The following MRTFB variants were observed in gnomAD, a reference collection of about 807,000 sequenced individuals.
The protein encoded by MRTFB is myocardin related transcription factor B.
A neutral mutation model predicts 104.2 loss-of-function variants in MRTFB; 29 were observed. The ratio of observed to expected loss-of-function variants is 0.28; its 90% CI spans 0.21 to 0.38. MRTFB has a LOEUF of 0.38. Ranked by LOEUF, MRTFB falls within the 10% of genes least tolerant of loss-of-function variation. MRTFB has a pLI of 1.00. For synonymous variants in MRTFB, 535 were observed against 519.5 expected (o/e 1.03, Z -0.41); for missense variants, 1,270 against 1,341.6 (o/e 0.95, Z 0.83).
At chr16:14,059,571 A>G in the MRTFB span, among the ~76,000 whole-genome samples, 1 of 152,194 alleles carries the variant, frequency 6.6e-6, no homozygotes, top group East Asian at 1.9e-4. Flanking sequence ...CGGCAGGTGC[A>G]AGGCCATTTG....
At chr16:14,048,139 G>A in the MRTFB span, among the ~76,000 whole-genome samples, 2 of 152,126 alleles carry the variant, frequency 1.3e-5, no homozygotes, top group Non-Finnish European at 2.9e-5. Context: ...AAAATCCAAC[G>A]GGGCAGTCAA....
At chr16:14,190,389 T>C (rs867464510) in intron 3 of MRTFB, among the ~76,000 whole-genome samples, 2 of 152,186 alleles carry the variant, frequency 1.3e-5, no homozygotes. Flanking sequence ...CAAACCACTC[T>C]GACATGACAA....
the MRTFB span, among the ~76,000 whole-genome samples, chr16:14,046,300 T>C: frequency 3.5e-3 from 528 of 152,258 alleles, 1 homozygote; most frequent in African/African-American, 0.012. Context: ...CACTCCAGCC[T>C]GGGTGACAGA....
intron 3 of MRTFB, among the ~76,000 whole-genome samples, chr16:14,167,753 G>A (rs566811464): frequency 1.3e-5 from 2 of 152,008 alleles, no homozygotes; most frequent in Admixed American, 6.6e-5. Context: ...GTGCAGTGGC[G>A]CGATCTTGGC....
the MRTFB span, among the ~76,000 whole-genome samples, chr16:13,999,727 T>C: frequency 0.053 from 8,076 of 152,158 alleles, 306 homozygotes; most frequent in African/African-American, 0.11. Context: ...TGTGAAGCCA[T>C]TGAGCCCCAG....
At chr16:14,194,338 T>A (rs2040330638) in intron 3 of MRTFB, among the ~76,000 whole-genome samples, 1 of 152,222 alleles carries the variant, frequency 6.6e-6, no homozygotes, top group Non-Finnish European at 1.5e-5. Flanking sequence ...TTGCTGTGCA[T>A]GCACAGGGAG....
the MRTFB span, among the ~76,000 whole-genome samples, chr16:14,036,286 TTATATATATTTA>T: frequency 2.4e-5 from 1 of 41,220 alleles, no homozygotes; most frequent in East Asian, 9.4e-4. Context: ...TATATGTATT[TTATATATATTTA>T]TATATATATA....
At chr16:14,088,655 A>G (rs929969736) in intron 2 of MRTFB, among the ~76,000 whole-genome samples, 4 of 152,192 alleles carry the variant, frequency 2.6e-5, no homozygotes, top group Non-Finnish European at 2.9e-5. Context: ...ATCATGTTCA[A>G]TACAGCAGAG....
At position 14,238,351 on chromosome 16, in the gene MRTFB, G is replaced by A. The variant is rs529331226; in HGVS notation, c.832-1886G>A. Among the ~76,000 whole-genome samples the A allele has an allele frequency of 1.2e-4, 19 of 152,216 alleles. 1 individual carries two copies. In the South Asian group the frequency reaches 3.7e-3, roughly 30 times the overall value. ...AAAGGGGGGGACTGTGCAAGTGAGGGGACCGTGGGATATAGCTTGGTAAGG... is the reference window on the plus strand; with the variant it reads ...AAAGGGGGGGACTGTGCAAGTGAGGAGACCGTGGGATATAGCTTGGTAAGG... On this transcript the variant is annotated intron_variant, in intron 9 of 16. Coordinates refer to ENST00000571589, the MANE Select transcript of MRTFB (RefSeq NM_001308142.2).
chr16:14,027,220 G>C, the MRTFB span, among the ~76,000 whole-genome samples: 1 of 152,098 alleles, frequency 6.6e-6, no homozygotes, highest in Admixed American at 6.6e-5. Flanking sequence ...ACTAATGATA[G>C]ATTCAACAAT....
At chr16:14,235,987 C>T (rs2042484143) in intron 9 of MRTFB, among the ~76,000 whole-genome samples, 1 of 152,164 alleles carries the variant, frequency 6.6e-6, no homozygotes, top group South Asian at 2.1e-4. Context: ...TTGAGCCAGC[C>T]TGGGCAACAT....
At chr16:14,072,505 C>T (rs777987830) in intron 1 of MRTFB, among the ~76,000 whole-genome samples, 3 of 152,062 alleles carry the variant, frequency 2.0e-5, no homozygotes, top group East Asian at 3.9e-4. Flanking sequence ...GGCAATATAG[C>T]GAGATCCCAC....
At chr16:14,076,469 A>T (rs553279019) in intron 1 of MRTFB, among the ~76,000 whole-genome samples, 10 of 152,340 alleles carry the variant, frequency 6.6e-5, no homozygotes, top group African/African-American at 2.4e-4. Context: ...GGCTGGGATT[A>T]CAGGCATGAG....
intron 9 of MRTFB, among the ~76,000 whole-genome samples, chr16:14,236,144 G>A (rs2042492680): frequency 6.9e-6 from 1 of 144,836 alleles, no homozygotes; most frequent in Admixed American, 6.6e-5. Flanking sequence ...TCATGTGCCT[G>A]CACTCCAGCC....
At chr16:14,035,329 C>G in the MRTFB span, among the ~76,000 whole-genome samples, 1 of 152,160 alleles carries the variant, frequency 6.6e-6, no homozygotes, top group Non-Finnish European at 1.5e-5. Context: ...GCTCCTCACC[C>G]CAAATCTGCT....
chr16:14,179,304 A>G (rs2039690373), intron 3 of MRTFB, among the ~76,000 whole-genome samples: 1 of 152,226 alleles, frequency 6.6e-6, no homozygotes, highest in South Asian at 2.1e-4. Context: ...CATGACTCAT[A>G]GATCCCATTC....
chr16:14,233,122 G>A (rs553851661), intron 8 of MRTFB, among the ~76,000 whole-genome samples: 2 of 152,308 alleles, frequency 1.3e-5, no homozygotes, highest in African/African-American at 4.8e-5. Flanking sequence ...AACGCCTTCT[G>A]TAGCTTCCTT....
the MRTFB span, among the ~76,000 whole-genome samples, chr16:14,043,095 A>T: frequency 6.6e-6 from 1 of 152,194 alleles, no homozygotes; most frequent in African/African-American, 2.4e-5. Flanking sequence ...TTGGAAAAGC[A>T]AACTTGTGGC....
chr16:14,238,655 A>G (rs930396598), intron 9 of MRTFB, among the ~76,000 whole-genome samples: 1 of 152,200 alleles, frequency 6.6e-6, no homozygotes, highest in Admixed American at 6.5e-5. Context: ...ACATGTGGAT[A>G]TTAAAATCAT....
Sources: allele counts gnomAD v4.1 joint callset (sites outside exome capture counted in the v4.1 genomes callset), GRCh38; gene constraint gnomAD v4.1.1; transcripts MANE v1.5; gene names NCBI Gene and HGNC (gene_info 2026-07-23, HGNC 2026-07-21).